Variants in NELL1 observed in about 807,000 individuals in gnomAD.
NELL1 encodes the protein protein kinase C-binding protein NELL1.
Under a neutral mutation model 107.4 loss-of-function variants are expected in NELL1, and 76 were observed. The observed-to-expected ratio is 0.71, with a 90% CI of 0.59 to 0.86. NELL1 has a LOEUF of 0.86. NELL1 is among the 40% of genes least tolerant of loss of function. NELL1 has a pLI of 0.00. For missense variants in NELL1, 1,024 were observed against 1,005.5 expected (o/e 1.02, Z -0.25); for synonymous variants, 353 against 341.2 (o/e 1.03, Z -0.38).
intron 13 of NELL1, among the ~76,000 whole-genome samples, chr11:21,222,444 C>T (rs1203349584): frequency 1.3e-5 from 2 of 151,942 alleles, no homozygotes; most frequent in Admixed American, 6.6e-5. Flanking sequence ...GATCTGCCTG[C>T]CTCGGCCTCC....
chr11:20,715,502 C>T (rs1269501591), intron 2 of NELL1, among the ~76,000 whole-genome samples: 1 of 152,124 alleles, frequency 6.6e-6, no homozygotes, highest in African/African-American at 2.4e-5. Flanking sequence ...GGAGACTATG[C>T]CTGTGGAGCC....
chr11:21,240,040 A>G (rs1417695661), intron 14 of NELL1, among the ~76,000 whole-genome samples: 1 of 152,034 alleles, frequency 6.6e-6, no homozygotes, highest in Admixed American at 6.6e-5. Flanking sequence ...TGCCACATAG[A>G]CATTCCTCCT....
chr11:20,924,237 C>T (rs949870004), intron 7 of NELL1, among the ~76,000 whole-genome samples: 6 of 152,116 alleles, frequency 3.9e-5, no homozygotes, highest in Admixed American at 6.6e-5. Context: ...CCTTTATTGC[C>T]GTTTTAGGAT....
chr11:21,321,247 A>G (rs566219891), intron 14 of NELL1, among the ~76,000 whole-genome samples: 1 of 152,056 alleles, frequency 6.6e-6, no homozygotes, highest in Non-Finnish European at 1.5e-5. Context: ...GTGGGCCTTC[A>G]TTTCCTACCC....
At chr11:20,927,953 C>A (rs560913632) in intron 8 of NELL1, among the ~76,000 whole-genome samples, 1 of 152,138 alleles carries the variant, frequency 6.6e-6, no homozygotes, top group Non-Finnish European at 1.5e-5. Context: ...TACAACATCC[C>A]CCTCCAAAAA....
Position 20,847,579 on chromosome 11 carries a change from A to G in NELL1, c.336-4A>G. 10 of 1,611,242 alleles carry G rather than the reference A, an allele frequency of 6.2e-6. No homozygotes were observed. Among genetic ancestry groups the G allele is most frequent in the Non-Finnish European group, 8.5e-6 (10 of 1,178,718 alleles). ...AAAACAAATGTTTGTTCCTTTACAT[A>G]CAGCTATTTTGAACTGGAGAGCAGT... is the stretch of plus-strand genomic sequence containing the variant. On this transcript the variant is annotated splice_region_variant and splice_polypyrimidine_tract_variant and intron_variant, in intron 3 of 19. Coordinates refer to ENST00000357134, the MANE Select transcript of NELL1 (RefSeq NM_006157.5).
chr11:20,734,214 A>C (rs375510989), intron 2 of NELL1, among the ~76,000 whole-genome samples: 228 of 152,308 alleles, frequency 1.5e-3, no homozygotes, highest in African/African-American at 5.2e-3. Context: ...TGGGAGTAGC[A>C]GGAGTTAATG....
In NELL1 at chr11:21,344,169, T is replaced by G. The variant is rs369954612; in HGVS notation, c.1550-26684T>G. Among the ~76,000 whole-genome samples the G allele has an allele frequency of 2.0e-5, 3 of 152,204 alleles. No individual in the cohort carries two copies. The East Asian group carries it at 5.8e-4, about 29-fold the overall frequency. On this transcript the variant is annotated intron_variant, in intron 14 of 19. Coordinates refer to ENST00000357134, the MANE Select transcript of NELL1 (RefSeq NM_006157.5). ...CCTATTGCCCTCAAATGTTGTGGCT[T>G]TCCTTGAAACCAGCCAGTGTTGTCT...
chr11:21,343,407 C>T (rs912173890), intron 14 of NELL1, among the ~76,000 whole-genome samples: 1 of 152,134 alleles, frequency 6.6e-6, no homozygotes, highest in African/African-American at 2.4e-5. Context: ...GCCTACTCTG[C>T]TCAATCTCTT....
At chr11:21,460,135 G>C (rs1853863428) in intron 15 of NELL1, among the ~76,000 whole-genome samples, 1 of 152,022 alleles carries the variant, frequency 6.6e-6, no homozygotes, top group Non-Finnish European at 1.5e-5. Context: ...GTTGCAGAGA[G>C]TATAATGGAA....
At chr11:21,345,475 G>T (rs187922674) in intron 14 of NELL1, among the ~76,000 whole-genome samples, 2 of 152,272 alleles carry the variant, frequency 1.3e-5, no homozygotes, top group Non-Finnish European at 2.9e-5. Flanking sequence ...TGACAGAGCA[G>T]GGGCCATTCT....
intron 14 of NELL1, among the ~76,000 whole-genome samples, chr11:21,356,902 T>G (rs1850946916): frequency 6.6e-6 from 1 of 152,306 alleles, no homozygotes; most frequent in Non-Finnish European, 1.5e-5. Context: ...GAACATACGA[T>G]ATTTGGTTTT....
At chr11:20,834,941 T>C (rs1411389618) in intron 3 of NELL1, among the ~76,000 whole-genome samples, 1 of 152,180 alleles carries the variant, frequency 6.6e-6, no homozygotes, top group Non-Finnish European at 1.5e-5. Context: ...AAGGGCCATA[T>C]GTCAGTGGTT....
chr11:21,029,187 G>A (rs975759345), intron 12 of NELL1, among the ~76,000 whole-genome samples: 29 of 152,098 alleles, frequency 1.9e-4, no homozygotes, highest in Admixed American at 1.9e-3. Context: ...AGAGAAAGGG[G>A]TTTTGTCCTC....
chr11:20,846,365 A>C (rs952987435), intron 3 of NELL1, among the ~76,000 whole-genome samples: 1 of 152,212 alleles, frequency 6.6e-6, no homozygotes, highest in Admixed American at 6.5e-5. Flanking sequence ...TTCATTCCTC[A>C]TAGAAGATGC....
intron 2 of NELL1, among the ~76,000 whole-genome samples, chr11:20,695,907 C>CT (rs59970595): frequency 0.27 from 40,585 of 150,478 alleles, 6,910 homozygotes; most frequent in African/African-American, 0.48. Context: ...CTGGCCTGGG[C>CT]TTTTTTTTTG....
At chr11:20,714,893 T>C (rs1855203599) in intron 2 of NELL1, among the ~76,000 whole-genome samples, 1 of 151,932 alleles carries the variant, frequency 6.6e-6, no homozygotes, top group Admixed American at 6.6e-5. Flanking sequence ...GTTAAGAAAA[T>C]TCGTGCATTT....
chr11:21,451,054 G>A (rs930498974), intron 15 of NELL1, among the ~76,000 whole-genome samples: 2 of 151,776 alleles, frequency 1.3e-5, no homozygotes, highest in Non-Finnish European at 2.9e-5. Flanking sequence ...GGGTGTGATG[G>A]TGGGCGCCTG....
chr11:20,764,230 G>A (rs1468205441), intron 2 of NELL1, among the ~76,000 whole-genome samples: 1 of 152,072 alleles, frequency 6.6e-6, no homozygotes, highest in Non-Finnish European at 1.5e-5. Flanking sequence ...TATATTTTAG[G>A]GTAGGATTGG....
Sources: gnomAD v4.1 joint callset for allele counts (sites outside exome capture counted in the v4.1 genomes callset) on GRCh38, gnomAD v4.1.1 for gene constraint, MANE v1.5 for transcripts, NCBI Gene and HGNC (gene_info 2026-07-23, HGNC 2026-07-21) for gene names.